Variants in WDFY1 observed in about 807,000 individuals in gnomAD.
The protein encoded by WDFY1 is WD repeat and FYVE domain-containing protein 1.
Under a neutral mutation model 56.4 loss-of-function variants are expected in WDFY1, and 32 were observed. That is an observed-to-expected ratio of 0.57 (90% CI 0.43 to 0.76). The LOEUF is 0.76. Among genes scored for constraint, WDFY1 ranks in the 30% least tolerant of loss-of-function variants. The pLI, the probability that WDFY1 is intolerant of heterozygous loss-of-function variation, is 0.00. For missense variants in WDFY1, 480 were observed against 545.7 expected (o/e 0.88, Z 1.20); for synonymous variants, 192 against 197.3 (o/e 0.97, Z 0.23).
At chr2:223,880,824 A>G (rs1467600140) in intron 10 of WDFY1, among the ~76,000 whole-genome samples, 1 of 151,816 alleles carries the variant, frequency 6.6e-6, no homozygotes, top group Admixed American at 6.6e-5. Context: ...AGAATCTTCA[A>G]TATAAAAGAA....
At chr2:223,929,696 C>G (rs867098956) in intron 1 of WDFY1, among the ~76,000 whole-genome samples, 5 of 152,128 alleles carry the variant, frequency 3.3e-5, no homozygotes, top group Admixed American at 1.3e-4. Flanking sequence ...CTGTTGAGAA[C>G]GAGGTGCCAC....
intron 1 of WDFY1, among the ~76,000 whole-genome samples, chr2:223,944,626 AG>A (rs1240027183): frequency 7.1e-6 from 1 of 140,342 alleles, no homozygotes; most frequent in Non-Finnish European, 1.5e-5. Flanking sequence ...CCCGGGCTGG[AG>A]GGGCGCAGTG....
chr2:223,886,213 C>T (rs1693172121), intron 8 of WDFY1, among the ~76,000 whole-genome samples: 1 of 151,908 alleles, frequency 6.6e-6, no homozygotes, highest in South Asian at 2.1e-4. Context: ...GTGGCACACA[C>T]CTGTAATCCC....
chr2:223,924,346 G>A (rs535491603), intron 1 of WDFY1, among the ~76,000 whole-genome samples: 96 of 152,074 alleles, frequency 6.3e-4, no homozygotes, highest in Non-Finnish European at 1.1e-3. Context: ...TAACTTACAG[G>A]GTATGCACGC....
intron 3 of WDFY1, among the ~76,000 whole-genome samples, chr2:223,907,105 A>C (rs1416214944): frequency 6.6e-6 from 1 of 151,770 alleles, no homozygotes; most frequent in Non-Finnish European, 1.5e-5. Flanking sequence ...GTCCTGAGTA[A>C]CTGGGACTAA....
In WDFY1 at chr2:223,878,531, T is replaced by A; in HGVS notation, c.*140A>T. 1 of 672,216 alleles carries A rather than the reference T, an allele frequency of 1.5e-6. No individual in the cohort carries two copies. The highest frequency in any genetic ancestry group is 2.6e-6 in the Non-Finnish European group (1 of 388,712). 41.6% of individuals were successfully genotyped at this position (672,216 alleles called of 1,614,324 possible). ...TCCACAAATGCCCCAAAACACACCT[T>A]TACATTTTCTTTTTAAAAATGTTGA... is the stretch of plus-strand genomic sequence containing the variant. On this transcript the variant is annotated 3_prime_UTR_variant, in exon 12 of 12. Coordinates refer to ENST00000233055, the MANE Select transcript of WDFY1 (RefSeq NM_020830.5).
chr2:223,909,478 G>T (rs1693656976), intron 3 of WDFY1, among the ~76,000 whole-genome samples: 1 of 151,998 alleles, frequency 6.6e-6, no homozygotes. Context: ...AAAATGACCT[G>T]ATGATGATGC....
chr2:223,925,779 G>A (rs926888704), intron 1 of WDFY1, among the ~76,000 whole-genome samples: 8 of 152,154 alleles, frequency 5.3e-5, no homozygotes, highest in Non-Finnish European at 1.0e-4. Context: ...AATGTTCACC[G>A]CATCTTCATT....
chr2:223,925,998 C>T (rs7590412), intron 1 of WDFY1, among the ~76,000 whole-genome samples: 65,563 of 152,028 alleles, frequency 0.43, 14,722 homozygotes, highest in Non-Finnish European at 0.5. Flanking sequence ...CAACTTCTTC[C>T]AAATTCCTAT....
Position 223,912,312 on chromosome 2 carries a change from T to G in WDFY1, c.220A>C (p.Met74Leu). Reference protein sequence around the residue: ...YHTMASPCSAMAYHHDSRRIF... With the variant: ...YHTMASPCSALAYHHDSRRIF... ...CGTCTGCTGTCATGATGGTAAGCCA[T>G]AGCAGAGCAAGGAGCTGCCAGAAAG... Residue 74 changes from methionine to leucine, a missense_variant, in exon 3 of 12, where the codon ATG becomes CTG. By Grantham distance (15) the Met-to-Leu change is conservative. Coordinates refer to ENST00000233055, the MANE Select transcript of WDFY1 (RefSeq NM_020830.5). The G allele has an allele frequency of 6.2e-7, 1 of 1,607,786 alleles. No individual in the cohort carries two copies. The highest frequency in any genetic ancestry group is 8.5e-7 in the Non-Finnish European group (1 of 1,178,344).
intron 1 of WDFY1, among the ~76,000 whole-genome samples, chr2:223,918,749 G>A (rs1051603008): frequency 6.6e-6 from 1 of 152,210 alleles, no homozygotes; most frequent in African/African-American, 2.4e-5. Flanking sequence ...GACCGTCTGG[G>A]CCGAGAGGAA....
At chr2:223,910,177 T>C (rs1454853644) in intron 3 of WDFY1, among the ~76,000 whole-genome samples, 5 of 152,186 alleles carry the variant, frequency 3.3e-5, no homozygotes, top group South Asian at 2.1e-4. Flanking sequence ...TTTTAAACAA[T>C]TGGTGCTGGG....
chr2:223,882,135 G>A (rs989005049), intron 9 of WDFY1, 63 bp from the exon 10 acceptor site: 58 of 1,560,012 alleles, frequency 3.7e-5, no homozygotes, highest in Non-Finnish European at 4.8e-5. Flanking sequence ...TTTGTTTTGA[G>A]ACAGAGTCTC....
chr2:223,890,251 C>T (rs770260585), intron 8 of WDFY1, among the ~76,000 whole-genome samples: 3 of 152,164 alleles, frequency 2.0e-5, no homozygotes, highest in Admixed American at 6.6e-5. Flanking sequence ...GCAGGTGGAT[C>T]ACTTGAGGCC....
intron 10 of WDFY1, 35 bp from the exon 11 acceptor site, chr2:223,880,267 T>C: frequency 6.3e-7 from 1 of 1,593,714 alleles, no homozygotes; most frequent in Non-Finnish European, 8.6e-7. Flanking sequence ...AAAATTTACT[T>C]GACTGTACCT....
At position 223,879,658 on chromosome 2, in the gene WDFY1, CA is replaced by C. The variant is rs368005970; in HGVS notation, c.1173+465del. On this transcript the variant is annotated intron_variant, in intron 11 of 11. Coordinates refer to ENST00000233055, the MANE Select transcript of WDFY1 (RefSeq NM_020830.5). The stretch of plus-strand genomic sequence containing the variant: ...CTGGACAACAGAGCAAGACCCATCT[CA>C]AAAAAAAAAAAGAGTGGTACTAAGT... Among the ~76,000 whole-genome samples the C allele has an allele frequency of 2.3e-3, 308 of 135,474 alleles. 2 individuals carry two copies. The highest frequency in any genetic ancestry group is 7.9e-3 in the Middle Eastern group (2 of 252). 88.9% of individuals were successfully genotyped at this position (135,474 alleles called of 152,430 possible). A position where few individuals can be genotyped will look rare whatever the true frequency, so the allele number is the denominator to read the frequency against.
Sources: gnomAD v4.1 joint callset for allele counts (sites outside exome capture counted in the v4.1 genomes callset) on GRCh38, gnomAD v4.1.1 for gene constraint, MANE v1.5 for transcripts, NCBI Gene and HGNC (gene_info 2026-07-23, HGNC 2026-07-21) for gene names.